Variants in ARHGAP8 observed in about 807,000 individuals in gnomAD.
The protein encoded by ARHGAP8 is Rho GTPase activating protein 8.
ARHGAP8 carries 62 observed loss-of-function variants against 46.1 expected under a neutral mutation model. The observed-to-expected ratio is 1.34, with a 90% CI of 1.10 to 1.66. The LOEUF is 1.66. ARHGAP8 is among the 40% of genes most tolerant of loss of function. The pLI, the probability that ARHGAP8 is intolerant of heterozygous loss-of-function variation, is 0.00. For synonymous variants in ARHGAP8, 375 were observed against 243.1 expected (o/e 1.54, Z -5.05); for missense variants, 923 against 568.4 (o/e 1.62, Z -6.34).
chr22:44,776,178 C>A (rs1602158893), intron 1 of ARHGAP8, among the ~76,000 whole-genome samples: 1 of 152,178 alleles, frequency 6.6e-6, no homozygotes, highest in East Asian at 1.9e-4. Flanking sequence ...CAGCCAGGCG[C>A]AGTGGCTCAC....
chr22:44,778,955 A>AGCCCG (rs756228221), intron 1 of ARHGAP8, among the ~76,000 whole-genome samples: 6 of 151,796 alleles, frequency 4.0e-5, no homozygotes, highest in Non-Finnish European at 8.8e-5. Flanking sequence ...TTCACCCATA[A>AGCCCG]TGAGTGAACC....
chr22:44,812,810 A>G (rs1602211928), intron 4 of ARHGAP8, among the ~76,000 whole-genome samples: 1 of 152,076 alleles, frequency 6.6e-6, no homozygotes, highest in East Asian at 1.9e-4. Flanking sequence ...TCTGATGAGC[A>G]CTCGGCATCT....
chr22:44,762,740 C>T (rs554053231), intron 1 of ARHGAP8, among the ~76,000 whole-genome samples: 23 of 152,126 alleles, frequency 1.5e-4, no homozygotes, highest in African/African-American at 5.5e-4. Flanking sequence ...GATGAGGTCT[C>T]ACCATGTTGG....
chr22:44,845,213 T>C, intron 7 of ARHGAP8, 56 bp from the exon 8 acceptor site: 1 of 1,609,006 alleles, frequency 6.2e-7, no homozygotes, highest in Non-Finnish European at 8.5e-7. Flanking sequence ...CTCTTCTCAT[T>C]GTGATCACCC....
At chr22:44,763,148 T>C (rs1430279713) in intron 1 of ARHGAP8, among the ~76,000 whole-genome samples, 1 of 152,086 alleles carries the variant, frequency 6.6e-6, no homozygotes, top group African/African-American at 2.4e-5. Flanking sequence ...GACTTTCCTT[T>C]TTTCAGTGCC....
At chr22:44,764,686 G>C (rs776028927) in intron 1 of ARHGAP8, among the ~76,000 whole-genome samples, 2 of 152,236 alleles carry the variant, frequency 1.3e-5, no homozygotes, top group Non-Finnish European at 2.9e-5. Context: ...ATGCTCGCTG[G>C]GGTGGTCCTG....
intron 2 of ARHGAP8, among the ~76,000 whole-genome samples, chr22:44,787,942 C>CTTTTTTTT (rs1569145142): frequency 1.3e-4 from 10 of 78,152 alleles, no homozygotes; most frequent in Admixed American, 1.1e-3. Context: ...TTTTTTTTTC[C>CTTTTTTTT]CCCCAAATGT....
intron 10 of ARHGAP8, among the ~76,000 whole-genome samples, chr22:44,859,421 A>C (rs151310309): frequency 6.6e-6 from 1 of 152,090 alleles, no homozygotes; most frequent in African/African-American, 2.4e-5. Context: ...CTTCTGCCAT[A>C]ATTGGAAGCC....
intron 1 of ARHGAP8, among the ~76,000 whole-genome samples, chr22:44,754,338 T>TTGTGTGTGTGTGTGTGTGTGTGTGTG (rs35257490): frequency 6.8e-6 from 1 of 146,528 alleles, no homozygotes; most frequent in African/African-American, 2.6e-5. Context: ...CATTGAAACT[T>TTGTGTGTGTGTGTGTGTGTGTGTGTG]TGTGTGTGTG....
At chr22:44,790,752 A>AGACG (rs1396115721) in intron 2 of ARHGAP8, among the ~76,000 whole-genome samples, 5 of 104,780 alleles carry the variant, frequency 4.8e-5, no homozygotes, top group Non-Finnish European at 7.8e-5. Flanking sequence ...TTTTTTTTGG[A>AGACG]GACGGAGTCT....
intron 1 of ARHGAP8, among the ~76,000 whole-genome samples, chr22:44,771,466 C>T (rs1318807260): frequency 4.0e-5 from 6 of 151,526 alleles, no homozygotes; most frequent in Non-Finnish European, 1.5e-5. Flanking sequence ...AGGCTGGTCT[C>T]GAACTCCTGA....
At chr22:44,782,414 G>T (rs1423850604) in intron 1 of ARHGAP8, among the ~76,000 whole-genome samples, 1 of 152,186 alleles carries the variant, frequency 6.6e-6, no homozygotes, top group Non-Finnish European at 1.5e-5. Context: ...TCCACTCACA[G>T]TGCTGTGTAC....
At chr22:44,856,125 G>A (rs1011623691) in intron 10 of ARHGAP8, among the ~76,000 whole-genome samples, 11 of 152,068 alleles carry the variant, frequency 7.2e-5, no homozygotes, top group African/African-American at 2.7e-4. Context: ...CTGTCCCCAT[G>A]ATTTAATCAC....
intron 11 of ARHGAP8, among the ~76,000 whole-genome samples, 199 bp from the exon 12 acceptor site, chr22:44,862,076 C>T (rs146109951): frequency 2.6e-3 from 401 of 152,328 alleles, no homozygotes; most frequent in African/African-American, 9.4e-3. Context: ...ACATGGAGGC[C>T]AAGCCTTCCT....
At chr22:44,786,327 G>T in intron 1 of ARHGAP8, 130 bp from the exon 2 acceptor site, 1 of 1,139,956 alleles carries the variant, frequency 8.8e-7, no homozygotes, top group Non-Finnish European at 1.2e-6. Flanking sequence ...GTGGGTGCAC[G>T]GCTGAGGTAG....
chr22:44,852,976 G>A (rs1005992752), intron 10 of ARHGAP8, among the ~76,000 whole-genome samples: 1 of 152,062 alleles, frequency 6.6e-6, no homozygotes, highest in Non-Finnish European at 1.5e-5. Flanking sequence ...CTAATTTTTT[G>A]TATTTTTAGT....
intron 7 of ARHGAP8, among the ~76,000 whole-genome samples, chr22:44,831,561 T>C (rs1044638013): frequency 4.0e-4 from 61 of 152,258 alleles, no homozygotes; most frequent in Non-Finnish European, 6.9e-4. Context: ...GTGCTGGGCA[T>C]GGTGGCAGGC....
chr22:44,753,172 G>C (rs956811241), intron 1 of ARHGAP8, among the ~76,000 whole-genome samples: 2 of 152,020 alleles, frequency 1.3e-5, no homozygotes, highest in African/African-American at 4.8e-5. Flanking sequence ...GGGGTGGGGG[G>C]CTGGCCGGTT....
chr22:44,758,918 G>A (rs901055918), intron 1 of ARHGAP8, among the ~76,000 whole-genome samples: 10 of 152,332 alleles, frequency 6.6e-5, no homozygotes, highest in African/African-American at 2.4e-4. Context: ...CTGGGTTTAG[G>A]AGTGGAGGAC....
Sources: gnomAD v4.1 joint callset for allele counts (sites outside exome capture counted in the v4.1 genomes callset) on GRCh38, gnomAD v4.1.1 for gene constraint, MANE v1.5 for transcripts, NCBI Gene and HGNC (gene_info 2026-07-23, HGNC 2026-07-21) for gene names.